Variants in MYBL2 observed in about 807,000 individuals in gnomAD.
MYBL2 encodes the protein myb-related protein B.
MYBL2 carries 28 observed loss-of-function variants against 79.9 expected under a neutral mutation model. That is an observed-to-expected ratio of 0.35 (90% confidence interval 0.26 to 0.48). The LOEUF is 0.48. MYBL2 is among the 20% of genes least tolerant of loss of function. MYBL2 has a pLI of 0.99. For synonymous variants in MYBL2, 378 were observed against 361.2 expected, an observed-to-expected ratio of 1.05 and a Z score of -0.53; for missense variants, 735 against 893.9, an observed-to-expected ratio of 0.82 and a Z score of 2.27.
chr20:43,702,231 C>A (rs1297887211), intron 7 of MYBL2, among the ~76,000 whole-genome samples: 1 of 152,192 alleles, frequency 6.6e-6, no homozygotes, highest in Non-Finnish European at 1.5e-5. Context: ...CCCAGGAGTT[C>A]AAGCCTGCAG....
At chr20:43,711,296 A>G (rs1987900125) in intron 10 of MYBL2, among the ~76,000 whole-genome samples, 192 bp from the exon 11 acceptor site, 1 of 152,186 alleles carries the variant, frequency 6.6e-6, no homozygotes, top group Non-Finnish European at 1.5e-5. Context: ...CTGGGAATCA[A>G]GGTCATCAGC....
intron 5 of MYBL2, among the ~76,000 whole-genome samples, chr20:43,687,298 C>T (rs1326846075): frequency 6.6e-6 from 1 of 152,176 alleles, no homozygotes; most frequent in Non-Finnish European, 1.5e-5. Flanking sequence ...ATAAGGGAGG[C>T]CTCAGCAAGA....
chr20:43,672,002 G>A (rs1326141823), intron 1 of MYBL2, among the ~76,000 whole-genome samples: 3 of 151,754 alleles, frequency 2.0e-5, no homozygotes, highest in Non-Finnish European at 2.9e-5. Flanking sequence ...GAGGTCAGGA[G>A]TTCAAGACCA....
chr20:43,714,246 A>T (rs1482423775), intron 12 of MYBL2, among the ~76,000 whole-genome samples: 1 of 152,128 alleles, frequency 6.6e-6, no homozygotes, highest in African/African-American at 2.4e-5. Context: ...GAGCAGAGAG[A>T]CTGGAAGGGC....
chr20:43,711,121 C>A (rs1351399677), intron 10 of MYBL2, among the ~76,000 whole-genome samples: 1 of 152,144 alleles, frequency 6.6e-6, no homozygotes, highest in East Asian at 1.9e-4. Context: ...GTTGAGTGAG[C>A]CTGGGCTTTG....
intron 6 of MYBL2, among the ~76,000 whole-genome samples, chr20:43,697,884 C>T (rs1449030293): frequency 1.4e-5 from 2 of 146,932 alleles, no homozygotes; most frequent in Non-Finnish European, 3.0e-5. Flanking sequence ...CACTGCATTT[C>T]AGCCTGGGCA....
intron 1 of MYBL2, 33 bp downstream of exon 1, chr20:43,667,336 C>T (rs989318541): frequency 1.6e-6 from 2 of 1,227,052 alleles, no homozygotes; most frequent in Non-Finnish European, 2.0e-6. Context: ...GGGCCCCTCC[C>T]CCTCCCTTTA....
rs561780764 is a variant in MYBL2, at chr20:43,675,894, G to A, written c.114+1995G>A. 1.7e-4 allele frequency among the ~76,000 whole-genome samples: 23 copies of A among 137,592 alleles called. No homozygotes were observed. In the South Asian group the frequency reaches 4.6e-3, roughly 27 times the overall value. 90.3% of individuals were successfully genotyped at this position (137,592 alleles called of 152,430 possible). A position where few individuals can be genotyped will look rare whatever the true frequency, so the allele number is the denominator to read the frequency against. ...TTATTTTGTTACCTAGGTAATAAGCGTGGTACCCAATAGGTAGTTTTTTTT... is the reference window on the plus strand; with the variant it reads ...TTATTTTGTTACCTAGGTAATAAGCATGGTACCCAATAGGTAGTTTTTTTT... On this transcript the variant is annotated intron_variant, in intron 2 of 13. Coordinates refer to ENST00000217026, the MANE Select transcript of MYBL2 (RefSeq NM_002466.4).
At position 43,667,294 on chromosome 20, in the gene MYBL2, G is replaced by T; in HGVS notation, c.11G>T (p.Arg4Leu). Residue 4 changes from arginine to leucine, a missense_variant, in exon 1 of 14, where the codon CGG (arginine) becomes CTG (leucine). This residue lies in a region of MYBL2 where 79 missense variants were observed against 86.7 expected (regional missense o/e 0.91). Coordinates refer to ENST00000217026, the MANE Select transcript of MYBL2 (RefSeq NM_002466.4). MSR[R>L]TRCEDLDELH... Reference sequence around the variant, plus strand: ...GTCCGGGCCGGGGGGATGTCTCGGCGGACGCGCTGGTGAGACGAGCCGGGA... The same window carrying T: ...GTCCGGGCCGGGGGGATGTCTCGGCTGACGCGCTGGTGAGACGAGCCGGGA... 3 of 1,228,758 alleles carry T rather than the reference G, an allele frequency of 2.4e-6. No individual in the cohort carries two copies. The highest frequency in any genetic ancestry group is 3.0e-6 in the Non-Finnish European group (3 of 985,368). The allele number at this position is 1,228,758 out of a possible 1,614,324, so 76.1% of individuals were successfully genotyped here.
In MYBL2 at chr20:43,683,553, T is replaced by C. The variant is rs1190568110; in HGVS notation, c.279+667T>C. 2.1e-4 allele frequency among the ~76,000 whole-genome samples: 27 copies of C among 126,858 alleles called. 3 individuals carry two copies. Among genetic ancestry groups the C allele is most frequent in the Non-Finnish European group, 2.1e-4 (14 of 65,888 alleles). The allele number at this position is 126,858 out of a possible 152,430, so 83.2% of individuals were successfully genotyped here. A position where few individuals can be genotyped will look rare whatever the true frequency, so the allele number is the denominator to read the frequency against. ...GAGGGAGATGAAGGGAACTAGGCATTTTTTTTTTTTTTTTTTTTGAGACGG... is the reference window on the plus strand; with the variant it reads ...GAGGGAGATGAAGGGAACTAGGCATCTTTTTTTTTTTTTTTTTTGAGACGG... On this transcript the variant is annotated intron_variant, in intron 4 of 13. Coordinates refer to ENST00000217026, the MANE Select transcript of MYBL2 (RefSeq NM_002466.4).
Position 43,692,315 on chromosome 20 carries a change from G to A in MYBL2, c.659G>A (p.Gly220Asp). The A allele has an allele frequency of 6.2e-7, 1 of 1,613,980 alleles. No homozygotes were observed. Among genetic ancestry groups the A allele is most frequent in the Non-Finnish European group, 8.5e-7 (1 of 1,179,910 alleles). The change falls in exon 6 of 14, where the codon GGC becomes GAC. Residue 220 changes from glycine to aspartate, a missense_variant. Gly to Asp is a moderately conservative substitution (Grantham distance 94, BLOSUM62 -1). Coordinates refer to ENST00000217026, the MANE Select transcript of MYBL2 (RefSeq NM_002466.4). ...CTCCAGAGTGCCCAGCCCACGGAAG[G>A]CCAGGTGAGACAGCTGCTCAGCCTT... ...DGLQSAQPTE[G>D]QGSLLTNWPS...
At chr20:43,680,885 C>T (rs1331953546) in intron 2 of MYBL2, among the ~76,000 whole-genome samples, 1 of 152,136 alleles carries the variant, frequency 6.6e-6, no homozygotes, top group Non-Finnish European at 1.5e-5. Context: ...GTAGAACCAC[C>T]AGCACAGCCG....
intron 10 of MYBL2, among the ~76,000 whole-genome samples, chr20:43,710,963 T>G (rs567374600): frequency 6.6e-6 from 1 of 152,256 alleles, no homozygotes; most frequent in South Asian, 2.1e-4. Flanking sequence ...GGATGACTTA[T>G]GAGGAGTGGC....
At chr20:43,669,420 G>A (rs1986807841) in intron 1 of MYBL2, among the ~76,000 whole-genome samples, 1 of 152,218 alleles carries the variant, frequency 6.6e-6, no homozygotes, top group African/African-American at 2.4e-5. Flanking sequence ...CCTGTGTGAA[G>A]GATGGCAGCT....
At chr20:43,691,448 A>G (rs1215291004) in intron 5 of MYBL2, among the ~76,000 whole-genome samples, 1 of 151,962 alleles carries the variant, frequency 6.6e-6, no homozygotes, top group Admixed American at 6.6e-5. Flanking sequence ...CAGACTCCCA[A>G]GTAGCTGGGA....
intron 9 of MYBL2, among the ~76,000 whole-genome samples, chr20:43,706,251 G>C (rs908455657): frequency 6.6e-6 from 1 of 152,180 alleles, no homozygotes; most frequent in Admixed American, 6.6e-5. Flanking sequence ...TGTGCAGGGC[G>C]AAAGTGCCCA....
At chr20:43,705,120 G>A (rs976283686) in intron 8 of MYBL2, 99 bp from the exon 9 acceptor site, 1 of 1,470,252 alleles carries the variant, frequency 6.8e-7, no homozygotes, top group African/African-American at 1.4e-5. Context: ...AGACGTTTTG[G>A]GGGAGAGGCT....
Position 43,692,287 on chromosome 20 carries a change from G to A in MYBL2, c.631G>A (p.Gly211Ser), listed in dbSNP as rs1283399418. 1.1e-5 allele frequency: 17 copies of A among 1,614,016 alleles called. No homozygotes were observed. The highest frequency in any genetic ancestry group is 3.3e-5 in the Admixed American group (2 of 59,968). Residue 211 changes from glycine (G) to serine (S), a missense_variant, in exon 6 of 14, where the codon GGC (glycine) becomes AGC (serine). By Grantham distance (56) the Gly-to-Ser change is moderately conservative (BLOSUM62 0). This residue lies in a region of MYBL2 where 144 missense variants were observed against 131.9 expected (regional missense o/e 1.09). Coordinates refer to ENST00000217026, the MANE Select transcript of MYBL2 (RefSeq NM_002466.4). Reference protein sequence around the residue: ...YLLLELEDKDGLQSAQPTEGQ... With the variant: ...YLLLELEDKDSLQSAQPTEGQ... ...GCTGCTGGAGCTCGAGGACAAGGAC[G>A]GCCTCCAGAGTGCCCAGCCCACGGA...
chr20:43,712,162 C>T (rs1234116395), intron 11 of MYBL2, among the ~76,000 whole-genome samples: 1 of 152,100 alleles, frequency 6.6e-6, no homozygotes, highest in Non-Finnish European at 1.5e-5. Context: ...AAGGGACTGT[C>T]CCAAGCCTCC....
Sources: gnomAD v4.1 joint callset for allele counts (sites outside exome capture counted in the v4.1 genomes callset) on GRCh38, gnomAD v4.1.1 for gene constraint, gnomAD v4.1.1 regional missense constraint, MANE v1.5 for transcripts, NCBI Gene and HGNC (gene_info 2026-07-23, HGNC 2026-07-21) for gene names.